Variants in DCAF17 observed in about 807,000 individuals in gnomAD.
The protein encoded by DCAF17 is DDB1- and CUL4-associated factor 17.
In DCAF17, 48 loss-of-function variants were observed where a neutral mutation model predicts 66.0. That is an observed-to-expected ratio of 0.73 (90% confidence interval 0.58 to 0.92). DCAF17 has a LOEUF of 0.92. Among genes scored for constraint, DCAF17 ranks in the 40% least tolerant of loss-of-function variants. DCAF17 has a pLI of 0.00. For synonymous variants in DCAF17, 206 were observed against 214.6 expected, an observed-to-expected ratio of 0.96 and a Z score of 0.35; for missense variants, 562 against 622.8, an observed-to-expected ratio of 0.90 and a Z score of 1.04.
chr2:171,448,659 A>G, intron 3 of DCAF17, 22 bp from the exon 4 acceptor site: 1 of 1,531,768 alleles, frequency 6.5e-7, no homozygotes, highest in Non-Finnish European at 8.8e-7. Flanking sequence ...TTTCATTTTT[A>G]TATCTCTCTT....
Position 171,481,662 on chromosome 2 carries a change from T to C in DCAF17, c.*548T>C, listed in dbSNP as rs1238363949. On this transcript the variant is annotated 3_prime_UTR_variant, in exon 14 of 14. Transcript: ENST00000375255. ...ATCTTATATATGTATTTATATGTGT[T>C]TCGTATTTGTATATAGTATCAGGAA... The C allele has an allele frequency of 4.4e-6, 2 of 453,344 alleles. No individual in the cohort carries two copies. The highest frequency in any genetic ancestry group is 8.8e-6 in the Non-Finnish European group (2 of 226,602). The allele number at this position is 453,344 out of a possible 1,614,324, so 28.1% of individuals were successfully genotyped here. A position where few individuals can be genotyped will look rare whatever the true frequency, so the allele number is the denominator to read the frequency against.
In DCAF17 at chr2:171,434,595, G is replaced by T. The variant is rs759528673; in HGVS notation, c.18G>T (p.Lys6Asn). Residue 6 changes from lysine to asparagine, a missense_variant, in exon 1 of 14, where the codon AAG becomes AAT. Physicochemically the swap from Lys to Asn is moderately conservative, Grantham distance 94. Coordinates refer to ENST00000375255, the MANE Select transcript of DCAF17 (RefSeq NM_025000.4). ...GCGCCTCCATGGGCCCGACCCGGAA[G>T]CCCAACGTGTGCAGCCGGCTGAGTC... MGPTR[K>N]PNVCSRLSRR... 10 of 1,527,828 alleles carry T rather than the reference G, an allele frequency of 6.5e-6. No homozygotes were observed. Among genetic ancestry groups the T allele is most frequent in the Non-Finnish European group, 8.7e-6 (10 of 1,143,994 alleles). 94.6% of individuals were successfully genotyped at this position (1,527,828 alleles called of 1,614,324 possible).
chr2:171,457,915 C>T (rs1695349445), intron 6 of DCAF17, 56 bp from the exon 7 acceptor site: 1 of 1,335,508 alleles, frequency 7.5e-7, no homozygotes, highest in African/African-American at 1.4e-5. Flanking sequence ...TGTGAACATT[C>T]AGAGGATTGG....
intron 3 of DCAF17, among the ~76,000 whole-genome samples, chr2:171,448,200 T>C (rs1694741644): frequency 6.6e-6 from 1 of 152,074 alleles, no homozygotes; most frequent in Admixed American, 6.6e-5. Context: ...GGCATAGTCA[T>C]CACTCACTGC....
At chr2:171,443,260 A>T (rs2105736419) in intron 2 of DCAF17, 1 of 310,504 alleles carries the variant, frequency 3.2e-6, no homozygotes, top group East Asian at 6.8e-5. Flanking sequence ...AGGTACGTAT[A>T]TGTATATAAA....
chr2:171,435,203 A>G lies in DCAF17; in HGVS notation c.230+17A>G. 1 of 1,577,222 alleles carries G rather than the reference A, an allele frequency of 6.3e-7. No homozygotes were observed. Among genetic ancestry groups the G allele is most frequent in the Non-Finnish European group, 8.7e-7 (1 of 1,146,774 alleles). ...TGTCAGCAGGTAACTTTTTATTGAT[A>G]ATTTTGCTGTAATTCACCTCACTGT... On this transcript the variant is annotated intron_variant, in intron 2 of 13. Coordinates refer to ENST00000375255, the MANE Select transcript of DCAF17 (RefSeq NM_025000.4).
In DCAF17 at chr2:171,482,217, G is replaced by A. The variant is rs758732684; in HGVS notation, c.*1103G>A. 4.0e-5 allele frequency: 18 copies of A among 453,444 alleles called. No individual in the cohort carries two copies. The highest frequency in any genetic ancestry group is 2.0e-4 in the South Asian group (13 of 64,254). 28.1% of individuals were successfully genotyped at this position (453,444 alleles called of 1,614,324 possible). A position where few individuals can be genotyped will look rare whatever the true frequency, so the allele number is the denominator to read the frequency against. On this transcript the variant is annotated 3_prime_UTR_variant, in exon 14 of 14. Transcript: ENST00000375255. Reference sequence around the variant, plus strand: ...TGAGAAATTCAGTTGCTTCCATTTCGCATGTTCTGCACATTTATCCGATGT... The same window carrying A: ...TGAGAAATTCAGTTGCTTCCATTTCACATGTTCTGCACATTTATCCGATGT...
At chr2:171,446,145 G>C (rs2105743914) in intron 3 of DCAF17, among the ~76,000 whole-genome samples, 1 of 152,130 alleles carries the variant, frequency 6.6e-6, no homozygotes, top group East Asian at 1.9e-4. Context: ...ACTTACGAAA[G>C]GAACATTGTT....
chr2:171,434,381 C>G lies in DCAF17; in HGVS notation c.-197C>G, dbSNP rs1440848312. 3.3e-6 allele frequency: 3 copies of G among 916,072 alleles called. No homozygotes were observed. The highest frequency in any genetic ancestry group is 4.0e-5 in the Admixed American group (2 of 49,688). 56.7% of individuals were successfully genotyped at this position (916,072 alleles called of 1,614,324 possible). A position where few individuals can be genotyped will look rare whatever the true frequency, so the allele number is the denominator to read the frequency against. ...GTGCTTCTTCCCTTCTCTCCGCGCT[C>G]TGGCGGTGCAAGCGGCTCTGCTTTC... is the stretch of plus-strand genomic sequence containing the variant. On this transcript the variant is annotated 5_prime_UTR_variant, in exon 1 of 14. Transcript: ENST00000375255.
In DCAF17 at chr2:171,469,020, A is replaced by G. The variant is rs1319790255; in HGVS notation, c.971A>G (p.Asp324Gly). The change falls in exon 9 of 14, where the codon GAC (aspartate) becomes GGC (glycine). Residue 324 changes from aspartate to glycine, a missense_variant. Physicochemically the swap from Asp to Gly is moderately conservative, Grantham distance 94. This residue lies in a region of DCAF17 where 201 missense variants were observed against 231.1 expected (regional missense o/e 0.87). Transcript: ENST00000375255. ...GTTTTCCATATTTGTGCCCTAAAAG[A>G]CAATTCCCTGGTAAATGAGTGATCA... is the stretch of plus-strand genomic sequence containing the variant. The part of the protein sequence containing the change: ...KGVFHICALK[D>G]NSLAKNGIQE... 3.1e-6 allele frequency: 5 copies of G among 1,614,010 alleles called. No homozygotes were observed. In the Admixed American group the frequency reaches 5.0e-5, roughly 16 times the overall value.
At chr2:171,467,654 C>G (rs1000522285) in intron 8 of DCAF17, among the ~76,000 whole-genome samples, 6 of 148,486 alleles carry the variant, frequency 4.0e-5, no homozygotes, top group Non-Finnish European at 8.9e-5. Flanking sequence ...TGCTTGAACC[C>G]AGGAGGTGAA....
chr2:171,470,728 CA>C (rs1696197414), intron 9 of DCAF17, among the ~76,000 whole-genome samples: 1 of 152,174 alleles, frequency 6.6e-6, no homozygotes, highest in Non-Finnish European at 1.5e-5. Flanking sequence ...TGAAATCCTG[CA>C]CAGTTCACAT....
At chr2:171,479,854 T>G (rs1216841287) in intron 12 of DCAF17, 184 bp from the exon 13 acceptor site, 7 of 627,674 alleles carry the variant, frequency 1.1e-5, no homozygotes, top group Non-Finnish European at 1.6e-5. Flanking sequence ...CTTGAAAATC[T>G]TGGAGCTGAT....
intron 3 of DCAF17, among the ~76,000 whole-genome samples, chr2:171,447,886 G>A (rs1694724774): frequency 6.6e-6 from 1 of 152,192 alleles, no homozygotes; most frequent in South Asian, 2.1e-4. Flanking sequence ...TCAGTGACAG[G>A]AGTGCCCATG....
intron 9 of DCAF17, 85 bp from the exon 10 acceptor site, chr2:171,473,781 C>T (rs183564622): frequency 1.1e-5 from 12 of 1,056,642 alleles, no homozygotes; most frequent in African/African-American, 9.4e-5. Flanking sequence ...TACCTTTGAC[C>T]TACTGATCTA....
chr2:171,442,333 C>G (rs1016574952), intron 2 of DCAF17, among the ~76,000 whole-genome samples: 1 of 150,954 alleles, frequency 6.6e-6, no homozygotes, highest in African/African-American at 2.4e-5. Context: ...CTGAGGCAGG[C>G]AGATCACGTG....
At chr2:171,456,917 G>A (rs556174287) in intron 6 of DCAF17, among the ~76,000 whole-genome samples, 16 of 152,246 alleles carry the variant, frequency 1.1e-4, no homozygotes, top group African/African-American at 3.4e-4. Flanking sequence ...GGATCATGTC[G>A]TTTGAAAAGA....
Position 171,482,853 on chromosome 2 carries a change from G to A in DCAF17, c.*1739G>A, listed in dbSNP as rs771570661. On this transcript the variant is annotated 3_prime_UTR_variant, in exon 14 of 14. Coordinates refer to ENST00000375255, the MANE Select transcript of DCAF17 (RefSeq NM_025000.4). ...TGGTCTAGATATAACTTACCACTAA[G>A]AAACCCCCAGTATGTCACCACTGCC... 10 of 453,890 alleles carry A rather than the reference G, an allele frequency of 2.2e-5. No individual in the cohort carries two copies. Among genetic ancestry groups the A allele is most frequent in the South Asian group, 1.6e-4 (10 of 64,476 alleles). The allele number at this position is 453,890 out of a possible 1,614,324, so 28.1% of individuals were successfully genotyped here.
rs964699419 is a variant in DCAF17 at position 171,482,686 on chromosome 2, T to TA, written c.*1572_*1573insA. ...GTCAGAGATTTTTTTTTTTAGGTGA[T>TA]TATTGAGTTTCTCCTTCTCCTTTAA... On this transcript the variant is annotated 3_prime_UTR_variant, in exon 14 of 14. Transcript: ENST00000375255. 6.6e-6 allele frequency: 3 copies of TA among 453,596 alleles called. No individual in the cohort carries two copies. The highest frequency in any genetic ancestry group is 6.0e-5 in the African/African-American group (3 of 49,884). The allele number at this position is 453,596 out of a possible 1,614,324, so 28.1% of individuals were successfully genotyped here. A position where few individuals can be genotyped will look rare whatever the true frequency, so the allele number is the denominator to read the frequency against.
Sources: allele counts gnomAD v4.1 joint callset (sites outside exome capture counted in the v4.1 genomes callset), GRCh38; gene constraint gnomAD v4.1.1; regional missense constraint gnomAD v4.1.1; transcripts MANE v1.5; gene names NCBI Gene and HGNC (gene_info 2026-07-23, HGNC 2026-07-21).